Variants in CENPE observed in about 807,000 individuals in gnomAD.
The protein encoded by CENPE is centromere protein E.
In CENPE, 145 loss-of-function variants were observed where a neutral mutation model predicts 336.1. The observed-to-expected ratio is 0.43, with a 90% confidence interval of 0.38 to 0.50. CENPE has a LOEUF of 0.50. Ranked by LOEUF, CENPE falls within the 20% of genes least tolerant of loss-of-function variation. CENPE has a pLI of 0.00. For missense variants in CENPE, 2,719 were observed against 3,023.3 expected, an observed-to-expected ratio of 0.90 and a Z score of 2.36; for synonymous variants, 1,013 against 984.8, an observed-to-expected ratio of 1.03 and a Z score of -0.54.
At chr4:103,147,225 C>A (rs1011205307) in intron 29 of CENPE, 131 bp downstream of exon 29, 7 of 716,298 alleles carry the variant, frequency 9.8e-6, no homozygotes, top group African/African-American at 7.2e-5. Flanking sequence ...TGTTTCTAGT[C>A]ATTTCATGAT....
chr4:103,166,829 T>C (rs1754965197), intron 16 of CENPE, among the ~76,000 whole-genome samples: 1 of 152,208 alleles, frequency 6.6e-6, no homozygotes, highest in Admixed American at 6.5e-5. Flanking sequence ...GAAAAATGAA[T>C]ATGCATTGAA....
At chr4:103,174,025 G>A in intron 16 of CENPE, among the ~76,000 whole-genome samples, 1 of 151,846 alleles carries the variant, frequency 6.6e-6, no homozygotes, top group Non-Finnish European at 1.5e-5. Context: ...ACTTAAATGA[G>A]TATGTTCAAG....
rs1753289069 is a variant in CENPE, at chr4:103,148,850, T to C, written c.3837A>G (p.Gln1279=). 6.2e-7 allele frequency: 1 copy of C among 1,610,586 alleles called. No homozygotes were observed. The change falls in exon 28 of 49, where the codon CAA becomes CAG. Residue 1279 remains glutamine (Q), a synonymous_variant. Coordinates refer to ENST00000265148, the MANE Select transcript of CENPE (RefSeq NM_001813.3). ...QDLEKSHTKL[Q]EEIPVLHEEQ... ...AAAGGAATAAAAGACATACCTCTTC[T>C]TGTAATTTGGTATGGGATTTTTCTA...
chr4:103,188,767 G>A (rs1373832388), intron 8 of CENPE, among the ~76,000 whole-genome samples: 1 of 152,118 alleles, frequency 6.6e-6, no homozygotes, highest in African/African-American at 2.4e-5. Context: ...TCAAAAGCTA[G>A]CAGACGGCAA....
intron 41 of CENPE, 29 bp from the exon 42 acceptor site, chr4:103,132,925 T>A: frequency 1.2e-6 from 1 of 840,266 alleles, no homozygotes; most frequent in Non-Finnish European, 1.7e-6. Flanking sequence ...TCAAATTGTT[T>A]AAACATTAGG....
chr4:103,175,610 T>C (rs186121051), intron 15 of CENPE, among the ~76,000 whole-genome samples: 1 of 152,258 alleles, frequency 6.6e-6, no homozygotes, highest in East Asian at 1.9e-4. Context: ...CTCCCTGATA[T>C]ATTATTCTAT....
At chr4:103,106,374 C>A in intron 48 of CENPE, 58 bp from the exon 49 acceptor site, 1 of 1,350,292 alleles carries the variant, frequency 7.4e-7, no homozygotes, top group Non-Finnish European at 1.0e-6. Context: ...AAAAACCAAG[C>A]ACAGCTGGAA....
chr4:103,187,805 C>T (rs1756926965), intron 8 of CENPE, among the ~76,000 whole-genome samples: 1 of 152,140 alleles, frequency 6.6e-6, no homozygotes, highest in African/African-American at 2.4e-5. Context: ...ACAATATTAA[C>T]TTTAAATGTA....
Position 103,159,084 on chromosome 4 carries a change from T to A in CENPE, c.2527A>T (p.Met843Leu), listed in dbSNP as rs371196686. 7 of 1,568,646 alleles carry A rather than the reference T, an allele frequency of 4.5e-6. No homozygotes were observed. Among genetic ancestry groups the A allele is most frequent in the Non-Finnish European group, 6.0e-6 (7 of 1,164,220 alleles). Reference protein sequence around the residue: ...YKMVLEENERMNQEIVNLSKE... With the variant: ...YKMVLEENERLNQEIVNLSKE... ...GAGAGATTAACTATTTCCTGATTCA[T>A]TCTCTCATTCTCCTCAAGGACCATC... Residue 843 changes from methionine to leucine, a missense_variant, in exon 22 of 49, where the codon ATG (methionine) becomes TTG (leucine). Met to Leu is a conservative substitution (Grantham distance 15). Coordinates refer to ENST00000265148, the MANE Select transcript of CENPE (RefSeq NM_001813.3).
At chr4:103,124,921 A>T (rs1182084404) in intron 42 of CENPE, among the ~76,000 whole-genome samples, 1 of 152,214 alleles carries the variant, frequency 6.6e-6, no homozygotes, top group Non-Finnish European at 1.5e-5. Context: ...TGCTGGAAGA[A>T]GCCACATATA....
At chr4:103,183,968 T>TTA (rs1242436163) in intron 9 of CENPE, among the ~76,000 whole-genome samples, 1 of 152,220 alleles carries the variant, frequency 6.6e-6, no homozygotes, top group African/African-American at 2.4e-5. Flanking sequence ...TTTTCATTCT[T>TTA]TTTTAAAGTA....
chr4:103,131,857 T>C (rs1009714105), intron 42 of CENPE, among the ~76,000 whole-genome samples: 4 of 152,176 alleles, frequency 2.6e-5, no homozygotes, highest in African/African-American at 9.6e-5. Flanking sequence ...GAAAAGGCTA[T>C]ATACTGTATG....
chr4:103,118,340 G>C (rs79126480), intron 44 of CENPE, among the ~76,000 whole-genome samples: 1,637 of 152,290 alleles, frequency 0.011, 22 homozygotes, highest in African/African-American at 0.034. Flanking sequence ...TGTTCATATG[G>C]TTATTTGTCA....
rs1578604018 is a variant in CENPE, at chr4:103,145,847, T to C, written c.4395A>G (p.Ile1465Met). Residue 1465 changes from isoleucine to methionine, a missense_variant, in exon 30 of 49, where the codon ATA (isoleucine) becomes ATG (methionine). Ile to Met is a conservative substitution (Grantham distance 10). This residue lies in a region of CENPE where 2,437 missense variants were observed against 2,513.3 expected (regional missense o/e 0.97). Coordinates refer to ENST00000265148, the MANE Select transcript of CENPE (RefSeq NM_001813.3). The stretch of plus-strand genomic sequence containing the variant: ...AACCTACTTTAGCTACAATTTCTTT[T>C]ATGTTTTCTTTGAGCTGGTCACTTT... Reference protein sequence around the residue: ...QSESDQLKENIKEIVAKHLET... With the variant: ...QSESDQLKENMKEIVAKHLET... 4 of 1,595,432 alleles carry C rather than the reference T, an allele frequency of 2.5e-6. No homozygotes were observed. In the East Asian group the frequency reaches 8.9e-5, roughly 36 times the overall value.
At chr4:103,118,598 T>C (rs747847770) in intron 44 of CENPE, among the ~76,000 whole-genome samples, 1 of 152,224 alleles carries the variant, frequency 6.6e-6, no homozygotes, top group Non-Finnish European at 1.5e-5. Flanking sequence ...TCTTAAAAAA[T>C]CGCCAAACCC....
chr4:103,173,366 G>T (rs537292235), intron 16 of CENPE, among the ~76,000 whole-genome samples: 4 of 152,102 alleles, frequency 2.6e-5, no homozygotes, highest in Non-Finnish European at 5.9e-5. Context: ...TTCAGAATGA[G>T]TTAAGGACTT....
At chr4:103,111,931 A>G (rs1372781879) in intron 46 of CENPE, among the ~76,000 whole-genome samples, 2 of 151,992 alleles carry the variant, frequency 1.3e-5, no homozygotes, top group South Asian at 2.1e-4. Context: ...GGAATTTTCA[A>G]TGTGTTTTTA....
Position 103,108,800 on chromosome 4 carries a change from T to C in CENPE, c.8011+3A>G. ...TTTCCAAGTAACCAGTATATTTACT[T>C]ACCTGGACAAAGGCCTAAACTTGAG... On this transcript the variant is annotated splice_donor_region_variant and intron_variant, in intron 48 of 48. Coordinates refer to ENST00000265148, the MANE Select transcript of CENPE (RefSeq NM_001813.3). 6.2e-7 allele frequency: 1 copy of C among 1,612,088 alleles called. No homozygotes were observed. Among genetic ancestry groups the C allele is most frequent in the Admixed American group, 1.7e-5 (1 of 59,758 alleles).
intron 45 of CENPE, among the ~76,000 whole-genome samples, chr4:103,115,124 C>A (rs113990643): frequency 3.1e-4 from 47 of 151,746 alleles, no homozygotes; most frequent in African/African-American, 1.1e-3. Context: ...TGACCCTATT[C>A]TTTACTTTTC....
Sources: allele counts gnomAD v4.1 joint callset (sites outside exome capture counted in the v4.1 genomes callset), GRCh38; gene constraint gnomAD v4.1.1; regional missense constraint gnomAD v4.1.1; transcripts MANE v1.5; gene names NCBI Gene and HGNC (gene_info 2026-07-23, HGNC 2026-07-21).